Variants in BTRC observed in about 807,000 individuals in gnomAD.
BTRC encodes the protein beta-transducin repeat containing E3 ubiquitin protein ligase.
BTRC carries 42 observed loss-of-function variants against 85.5 expected under a neutral mutation model. The ratio of observed to expected loss-of-function variants is 0.49; its 90% CI spans 0.38 to 0.64. The LOEUF (loss-of-function observed/expected upper bound fraction) is 0.64. BTRC is among the 30% of genes least tolerant of loss of function. The probability of loss-of-function intolerance (pLI) is 0.00; values close to 1 mark genes in which losing one functional copy is unlikely to be tolerated. For missense variants in BTRC, 594 were observed against 743.5 expected (o/e 0.80, Z 2.34); for synonymous variants, 255 against 263.3 (o/e 0.97, Z 0.30).
intron 1 of BTRC, among the ~76,000 whole-genome samples, chr10:101,367,132 G>A (rs1242702952): frequency 6.6e-5 from 9 of 136,538 alleles, no homozygotes; most frequent in Non-Finnish European, 1.2e-4. Flanking sequence ...GTGCAGTGGC[G>A]CGATCTTGGC....
At position 101,550,715 on chromosome 10, in the gene BTRC, T is replaced by A; in HGVS notation, c.1673T>A (p.Val558Asp). The A allele has an allele frequency of 6.2e-7, 1 of 1,611,096 alleles. No homozygotes were observed. The highest frequency in any genetic ancestry group is 8.5e-7 in the Non-Finnish European group (1 of 1,177,922). The change falls in exon 14 of 15, where the codon GTT becomes GAT. Residue 558 changes from valine to aspartate, a missense_variant. Around this residue, in one of 4 missense-constraint regions of BTRC, gnomAD observed 373 missense variants for 503.6 expected, o/e 0.74. Transcript: ENST00000370187. The part of the protein sequence containing the change: ...LRTLVEHSGR[V>D]FRLQFDEFQI... The stretch of plus-strand genomic sequence containing the variant: ...CTTCTTTAGGAGCATTCCGGAAGAG[T>A]TTTTCGACTACAGTTTGATGAATTC...
intron 2 of BTRC, among the ~76,000 whole-genome samples, chr10:101,436,503 G>A (rs1360425233): frequency 6.6e-6 from 1 of 152,002 alleles, no homozygotes; most frequent in Non-Finnish European, 1.5e-5. Context: ...TGGGTGTGGT[G>A]GTACTCACCT....
intron 2 of BTRC, among the ~76,000 whole-genome samples, chr10:101,449,228 G>C (rs1228703396): frequency 1.3e-5 from 2 of 151,448 alleles, no homozygotes; most frequent in Non-Finnish European, 2.9e-5. Flanking sequence ...TAATAAAATG[G>C]TAATACCAAA....
intron 2 of BTRC, among the ~76,000 whole-genome samples, chr10:101,459,927 C>T (rs1945180041): frequency 6.6e-6 from 1 of 152,026 alleles, no homozygotes; most frequent in African/African-American, 2.4e-5. Context: ...AGCCCAAGTA[C>T]CTGTATAATA....
chr10:101,360,236 G>A (rs1942160851), intron 1 of BTRC, among the ~76,000 whole-genome samples: 1 of 151,806 alleles, frequency 6.6e-6, no homozygotes, highest in Non-Finnish European at 1.5e-5. Flanking sequence ...TGTGTTTTTA[G>A]TAGAGACAGG....
chr10:101,365,579 A>C (rs990445997), intron 1 of BTRC, among the ~76,000 whole-genome samples: 1 of 150,402 alleles, frequency 6.6e-6, no homozygotes, highest in African/African-American at 2.4e-5. Flanking sequence ...GGGTTCAAGC[A>C]ATTCTCCTGC....
At chr10:101,483,209 G>T (rs1351033861) in intron 4 of BTRC, among the ~76,000 whole-genome samples, 1 of 152,064 alleles carries the variant, frequency 6.6e-6, no homozygotes, top group Admixed American at 6.5e-5. Context: ...TAGAATACAA[G>T]AAACAAAGCT....
chr10:101,422,910 C>T (rs1423575687), intron 1 of BTRC, among the ~76,000 whole-genome samples: 2 of 152,154 alleles, frequency 1.3e-5, no homozygotes, highest in African/African-American at 4.8e-5. Flanking sequence ...CATGATGCCT[C>T]CAGCTTTGTT....
At chr10:101,498,853 TG>T (rs1407850090) in intron 4 of BTRC, among the ~76,000 whole-genome samples, 1 of 151,734 alleles carries the variant, frequency 6.6e-6, no homozygotes, top group East Asian at 1.9e-4. Flanking sequence ...AGTAGCTGGG[TG>T]TAGTGGTGCG....
chr10:101,538,933 C>T (rs2062427296), intron 13 of BTRC, among the ~76,000 whole-genome samples: 1 of 152,076 alleles, frequency 6.6e-6, no homozygotes, highest in African/African-American at 2.4e-5. Flanking sequence ...TGCCTGTAAT[C>T]CTAGCTACTC....
intron 4 of BTRC, among the ~76,000 whole-genome samples, chr10:101,505,121 A>ATATATACACATATATATATATG (rs747168061): frequency 0.013 from 91 of 6,748 alleles, no homozygotes; most frequent in Non-Finnish European, 0.017. Flanking sequence ...ATTTATATAT[A>ATATATACACATATATATATATG]TATATGTGTA....
At position 101,538,356 on chromosome 10, in the gene BTRC, T is replaced by A; in HGVS notation, c.1641T>A (p.Cys547Ter). 6.2e-7 allele frequency: 1 copy of A among 1,613,794 alleles called. No homozygotes were observed. The highest frequency in any genetic ancestry group is 8.5e-7 in the Non-Finnish European group (1 of 1,179,670). ...CCCGTGCTCCTGCAGGGACACTCTG[T>A]CTACGGACCCTTGTGGTAAGAGCCT... ...LDPRAPAGTL[C>*]LRTLVEHSGR... Residue 547 changes from cysteine to a stop codon, truncating the protein, a stop_gained, in exon 13 of 15, where the codon TGT (cysteine) becomes TGA (stop). Coordinates refer to ENST00000370187, the MANE Select transcript of BTRC (RefSeq NM_033637.4). LOFTEE classifies it high-confidence loss of function.
At chr10:101,530,912 G>C (rs905453885) in intron 6 of BTRC, among the ~76,000 whole-genome samples, 1 of 152,112 alleles carries the variant, frequency 6.6e-6, no homozygotes, top group African/African-American at 2.4e-5. Context: ...GATGGCTCAC[G>C]CCTGTAATCC....
chr10:101,483,011 G>A (rs1945881550), intron 4 of BTRC, among the ~76,000 whole-genome samples: 1 of 152,016 alleles, frequency 6.6e-6, no homozygotes, highest in African/African-American at 2.4e-5. Flanking sequence ...ACTAATTATA[G>A]GCCAAAACCT....
chr10:101,442,239 G>T (rs1944700959), intron 2 of BTRC, among the ~76,000 whole-genome samples: 1 of 120,026 alleles, frequency 8.3e-6, no homozygotes, highest in African/African-American at 2.8e-5. Flanking sequence ...TTCTGGAGTT[G>T]CGACTGCACT....
At position 101,354,219 on chromosome 10, in the gene BTRC, C is replaced by T. The variant is rs1307154332; in HGVS notation, c.39C>T (p.Leu13=). The part of the protein sequence containing the change: ...PAEAVLQEKA[L]KFMCSMPRSL... ...AGGCGGTGCTGCAAGAGAAGGCACT[C>T]AAGTTTATGGTGAGGAGACGGTGGA... Residue 13 remains leucine, a synonymous_variant, in exon 1 of 15, where the codon CTC becomes CTT. Coordinates refer to ENST00000370187, the MANE Select transcript of BTRC (RefSeq NM_033637.4). The T allele has an allele frequency of 5.2e-6, 8 of 1,549,180 alleles. No homozygotes were observed. In the East Asian group the frequency reaches 2.0e-4, roughly 38 times the overall value.
intron 1 of BTRC, among the ~76,000 whole-genome samples, chr10:101,401,818 A>G (rs1350273809): frequency 2.0e-5 from 3 of 149,648 alleles, no homozygotes; most frequent in Non-Finnish European, 3.0e-5. Context: ...AGCCTGGGTG[A>G]CAGAGCGAGA....
At chr10:101,475,953 A>ATATATATATATATATATATTTTTT (rs1265691229) in intron 3 of BTRC, among the ~76,000 whole-genome samples, 2 of 133,806 alleles carry the variant, frequency 1.5e-5, no homozygotes, top group African/African-American at 5.9e-5. Context: ...ATATATATAT[A>ATATATATATATATATATATTTTTT]TTCAGTAATT....
At chr10:101,535,663 T>C (rs567367283) in intron 11 of BTRC, among the ~76,000 whole-genome samples, 191 bp downstream of exon 11, 1 of 152,374 alleles carries the variant, frequency 6.6e-6, no homozygotes, top group East Asian at 1.9e-4. Flanking sequence ...TTGCCCTTCT[T>C]TTTAAATTTC....
Sources: allele counts gnomAD v4.1 joint callset (sites outside exome capture counted in the v4.1 genomes callset), GRCh38; gene constraint gnomAD v4.1.1; regional missense constraint gnomAD v4.1.1; transcripts MANE v1.5; gene names NCBI Gene and HGNC (gene_info 2026-07-23, HGNC 2026-07-21).